The following KALRN variants were observed in gnomAD, a reference collection of about 807,000 sequenced individuals.
KALRN encodes kalirin.
Under a neutral mutation model 353.7 loss-of-function variants are expected in KALRN, and 70 were observed. The observed-to-expected ratio is 0.20, with a 90% confidence interval of 0.16 to 0.24. The LOEUF is 0.24. Ranked by LOEUF, KALRN falls within the 10% of genes least tolerant of loss-of-function variation. The pLI is 1.00. For missense variants in KALRN, 2,791 were observed against 3,756.7 expected (o/e 0.74, Z 6.72); for synonymous variants, 1,391 against 1,434.8 (o/e 0.97, Z 0.69).
chr3:124,376,592 C>G (rs369116545), intron 10 of KALRN, among the ~76,000 whole-genome samples: 5 of 152,232 alleles, frequency 3.3e-5, no homozygotes, highest in African/African-American at 1.2e-4. Context: ...CCTCCTTAAT[C>G]ATAGACAATG....
At chr3:124,623,892 C>G (rs916209816) in intron 34 of KALRN, among the ~76,000 whole-genome samples, 1 of 152,200 alleles carries the variant, frequency 6.6e-6, no homozygotes, top group Non-Finnish European at 1.5e-5. Flanking sequence ...CTCTCCTAGG[C>G]TTTATTCTGA....
chr3:124,563,151 T>G, intron 34 of KALRN, 62 bp downstream of exon 34: 2 of 1,324,876 alleles, frequency 1.5e-6, no homozygotes, highest in Non-Finnish European at 2.0e-6. Context: ...GGCCTGACTC[T>G]AGCTGAAGAC....
chr3:124,117,851 G>C (rs2063592477), intron 1 of KALRN, among the ~76,000 whole-genome samples: 1 of 152,216 alleles, frequency 6.6e-6, no homozygotes, highest in South Asian at 2.1e-4. Context: ...AGCTGTAGTA[G>C]TACAAGGTAC....
chr3:124,390,979 T>A (rs2089280254), intron 11 of KALRN, among the ~76,000 whole-genome samples: 1 of 152,124 alleles, frequency 6.6e-6, no homozygotes, highest in Admixed American at 6.5e-5. Context: ...AGAGCTAATC[T>A]TATGTAGGGC....
chr3:124,362,416 A>T (rs1009539901), intron 10 of KALRN, among the ~76,000 whole-genome samples: 1 of 152,214 alleles, frequency 6.6e-6, no homozygotes, highest in African/African-American at 2.4e-5. Context: ...GGGAGCTGAG[A>T]TCTTATGGCC....
intron 34 of KALRN, chr3:124,585,014 C>G (rs989273537): frequency 7.6e-7 from 1 of 1,315,166 alleles, no homozygotes; most frequent in Non-Finnish European, 1.0e-6. Flanking sequence ...CTGGGGTAGG[C>G]GGATGGGGCT....
At chr3:124,337,245 C>T (rs187589660) in intron 9 of KALRN, among the ~76,000 whole-genome samples, 9 of 152,234 alleles carry the variant, frequency 5.9e-5, no homozygotes, top group Admixed American at 2.6e-4. Flanking sequence ...CGATTTTCAA[C>T]GGAAATGCTT....
At chr3:124,316,551 C>A (rs1423742678) in intron 6 of KALRN, among the ~76,000 whole-genome samples, 1 of 152,232 alleles carries the variant, frequency 6.6e-6, no homozygotes, top group Non-Finnish European at 1.5e-5. Context: ...TGCCTCACGG[C>A]CTTTGCCCCT....
chr3:124,700,892 C>A (rs998753697), intron 56 of KALRN, among the ~76,000 whole-genome samples: 1 of 152,196 alleles, frequency 6.6e-6, no homozygotes, highest in Non-Finnish European at 1.5e-5. Context: ...ACAGTCAGCC[C>A]GGTTTTCTCC....
At chr3:124,400,959 C>T (rs561550885) in intron 13 of KALRN, among the ~76,000 whole-genome samples, 2 of 152,226 alleles carry the variant, frequency 1.3e-5, no homozygotes, top group Admixed American at 6.5e-5. Context: ...ATAGCTGTGA[C>T]CTGGAAGTCA....
At chr3:124,567,324 C>A (rs1227168111) in intron 34 of KALRN, among the ~76,000 whole-genome samples, 1 of 152,194 alleles carries the variant, frequency 6.6e-6, no homozygotes, top group Non-Finnish European at 1.5e-5. Flanking sequence ...TGTGGCCAAG[C>A]TGGAGCAGAC....
intron 1 of KALRN, among the ~76,000 whole-genome samples, chr3:124,111,549 C>T (rs2062974506): frequency 6.6e-6 from 1 of 152,180 alleles, no homozygotes; most frequent in Non-Finnish European, 1.5e-5. Context: ...TTAATGGCCA[C>T]TGGGTAGGCA....
intron 33 of KALRN, among the ~76,000 whole-genome samples, chr3:124,528,134 T>C (rs2067743969): frequency 6.6e-6 from 1 of 152,116 alleles, no homozygotes. Flanking sequence ...CCCTCCAGTC[T>C]AGTTTGATAA....
chr3:124,152,550 T>C (rs2068268623), intron 1 of KALRN: 1 of 227,448 alleles, frequency 4.4e-6, no homozygotes, highest in African/African-American at 3.9e-5. Context: ...CTTTTTCTTT[T>C]TCTTTTCTTT....
At chr3:124,336,756 T>C (rs2081173510) in intron 9 of KALRN, among the ~76,000 whole-genome samples, 1 of 152,224 alleles carries the variant, frequency 6.6e-6, no homozygotes, top group South Asian at 2.1e-4. Flanking sequence ...CATCACTTTC[T>C]TGTTTGTAAA....
intron 5 of KALRN, among the ~76,000 whole-genome samples, chr3:124,270,685 G>C (rs1580306788): frequency 6.6e-6 from 1 of 152,136 alleles, no homozygotes; most frequent in African/African-American, 2.4e-5. Flanking sequence ...CCCTGAGAAG[G>C]GCAGCTTAGA....
At chr3:124,552,910 C>T (rs1329083316) in intron 33 of KALRN, among the ~76,000 whole-genome samples, 6 of 152,112 alleles carry the variant, frequency 3.9e-5, no homozygotes, top group African/African-American at 1.2e-4. Context: ...GGATTGCAGG[C>T]GCCCGCCACC....
At chr3:124,675,169 T>A (rs2087015250) in intron 49 of KALRN, 2 of 152,196 alleles carry the variant, frequency 1.3e-5, no homozygotes, top group African/African-American at 4.8e-5. Flanking sequence ...AAAATTTCCC[T>A]TCACCCCGTC....
intron 33 of KALRN, among the ~76,000 whole-genome samples, chr3:124,530,942 G>A (rs965325826): frequency 6.6e-6 from 1 of 152,094 alleles, no homozygotes; most frequent in African/African-American, 2.4e-5. Flanking sequence ...TAAAAATGTT[G>A]GTGGATTTAA....
Sources: gnomAD v4.1 joint callset for allele counts (sites outside exome capture counted in the v4.1 genomes callset) on GRCh38, gnomAD v4.1.1 for gene constraint, MANE v1.5 for transcripts, NCBI Gene and HGNC (gene_info 2026-07-23, HGNC 2026-07-21) for gene names.